APBA2: variants seen among roughly 807,000 people sequenced by gnomAD.
APBA2 encodes amyloid beta precursor protein binding family A member 2.
A neutral mutation model predicts 75.0 loss-of-function variants in APBA2; 30 were observed. That is an observed-to-expected ratio of 0.40 (90% CI 0.30 to 0.54). The LOEUF (loss-of-function observed/expected upper bound fraction) is 0.54, where lower values mean the gene tolerates loss of function less well. APBA2 is among the 20% of genes least tolerant of loss of function. The probability of loss-of-function intolerance (pLI) is 0.49; values close to 1 mark genes in which losing one functional copy is unlikely to be tolerated. For synonymous variants in APBA2, 444 were observed against 409.6 expected, an observed-to-expected ratio of 1.08 and a Z score of -1.01; for missense variants, 801 against 1,016.1, an observed-to-expected ratio of 0.79 and a Z score of 2.88.
intron 4 of APBA2, among the ~76,000 whole-genome samples, chr15:29,066,762 C>G (rs1339611286): frequency 6.6e-6 from 1 of 152,198 alleles, no homozygotes; most frequent in Middle Eastern, 3.4e-3. Flanking sequence ...AGAGGTTTTT[C>G]AGTGAATAAC....
At chr15:28,960,111 C>T (rs2036384634) in intron 2 of APBA2, among the ~76,000 whole-genome samples, 1 of 141,742 alleles carries the variant, frequency 7.1e-6, no homozygotes. Context: ...CACCACTGCA[C>T]TTCAGTCAGC....
At chr15:29,034,119 C>T (rs2040627486) in intron 3 of APBA2, among the ~76,000 whole-genome samples, 1 of 152,138 alleles carries the variant, frequency 6.6e-6, no homozygotes, top group South Asian at 2.1e-4. Context: ...AAAGGAACCT[C>T]ACCTGAGCTT....
At chr15:29,037,389 G>T (rs2040804907) in intron 3 of APBA2, among the ~76,000 whole-genome samples, 1 of 152,124 alleles carries the variant, frequency 6.6e-6, no homozygotes, top group Non-Finnish European at 1.5e-5. Context: ...TAGGGACCAG[G>T]CAAACAGCCT....
Position 29,068,237 on chromosome 15 carries a change from G to A in APBA2, c.952-6684G>A, listed in dbSNP as rs1595884335. ...CCCAGTAGGTTGCTGTCGTTAAACT[G>A]TGCACACAGGGCTTCTTGCTTTTAA... On this transcript the variant is annotated intron_variant, in intron 4 of 14. Coordinates refer to ENST00000683413, the MANE Select transcript of APBA2 (RefSeq NM_001353788.2). Among the ~76,000 whole-genome samples the A allele has an allele frequency of 4.6e-5, 7 of 152,342 alleles. 1 individual carries two copies.
chr15:29,094,555 T>C (rs908040007), intron 8 of APBA2, among the ~76,000 whole-genome samples: 1 of 152,288 alleles, frequency 6.6e-6, no homozygotes, highest in Non-Finnish European at 1.5e-5. Flanking sequence ...TCCTGTGTAC[T>C]GTATGGATAA....
chr15:28,942,948 G>C (rs549929912), intron 2 of APBA2, among the ~76,000 whole-genome samples: 13 of 152,358 alleles, frequency 8.5e-5, no homozygotes, highest in African/African-American at 3.1e-4. Context: ...TCGTTCTCAG[G>C]GGGGGCTTCT....
chr15:29,026,904 G>A (rs1169905709), intron 3 of APBA2, among the ~76,000 whole-genome samples: 3 of 152,186 alleles, frequency 2.0e-5, no homozygotes, highest in Non-Finnish European at 4.4e-5. Flanking sequence ...CTGGGCGACA[G>A]AGCAAGACTC....
At chr15:28,976,364 A>C (rs1198707341) in intron 2 of APBA2, among the ~76,000 whole-genome samples, 2 of 152,234 alleles carry the variant, frequency 1.3e-5, no homozygotes, top group Non-Finnish European at 2.9e-5. Context: ...GAGTGACAGA[A>C]CAGTGTTAAG....
At chr15:28,984,196 C>T (rs2037775876) in intron 2 of APBA2, among the ~76,000 whole-genome samples, 2 of 151,952 alleles carry the variant, frequency 1.3e-5, no homozygotes, top group Admixed American at 1.3e-4. Flanking sequence ...GCTCTCGAGG[C>T]GTTATTATTC....
At chr15:28,890,792 T>C (rs149088908) in intron 1 of APBA2, among the ~76,000 whole-genome samples, 23,544 of 152,202 alleles carry the variant, frequency 0.15, 1,844 homozygotes, top group Middle Eastern at 0.21. Context: ...AATATTTAAC[T>C]GATGCAAGAT....
rs747348376 is a variant in APBA2, at chr15:29,105,516, C to T, written c.1662C>T (p.Asn554=). Residue 554 remains asparagine, a synonymous_variant, in exon 11 of 15, where the codon AAC becomes AAT. Coordinates refer to ENST00000683413, the MANE Select transcript of APBA2 (RefSeq NM_001353788.2). ...TCATCAACACCCAGGAGATGTACAACGACGACCTCATCCACTTCTCAAACT... is the reference window on the plus strand; with the variant it reads ...TCATCAACACCCAGGAGATGTACAATGACGACCTCATCCACTTCTCAAACT... ...SDIINTQEMY[N]DDLIHFSNSE... 24 of 1,613,784 alleles carry T rather than the reference C, an allele frequency of 1.5e-5. No homozygotes were observed. Among genetic ancestry groups the T allele is most frequent in the Middle Eastern group, 1.6e-4 (1 of 6,062 alleles).
At chr15:28,920,604 G>C (rs1307758728) in intron 1 of APBA2, among the ~76,000 whole-genome samples, 1 of 152,178 alleles carries the variant, frequency 6.6e-6, no homozygotes, top group East Asian at 1.9e-4. Flanking sequence ...AAATGTTTGG[G>C]TTTAGGAGGC....
intron 6 of APBA2, among the ~76,000 whole-genome samples, chr15:29,086,435 C>T (rs974405600): frequency 5.3e-5 from 8 of 152,234 alleles, no homozygotes; most frequent in Non-Finnish European, 1.0e-4. Context: ...ATAACTAATA[C>T]ACAACATATT....
At chr15:28,992,452 A>G (rs1175136598) in intron 2 of APBA2, among the ~76,000 whole-genome samples, 1 of 152,246 alleles carries the variant, frequency 6.6e-6, no homozygotes, top group Non-Finnish European at 1.5e-5. Flanking sequence ...TTGCACGTAG[A>G]ATAATACAGA....
intron 6 of APBA2, among the ~76,000 whole-genome samples, chr15:29,091,000 G>C (rs1018050761): frequency 4.6e-5 from 7 of 152,146 alleles, no homozygotes; most frequent in African/African-American, 1.7e-4. Context: ...TATGGTGGGG[G>C]TACTGCATTG....
intron 2 of APBA2, among the ~76,000 whole-genome samples, chr15:28,938,675 A>AT (rs1389927780): frequency 7.9e-5 from 12 of 152,122 alleles, no homozygotes; most frequent in African/African-American, 2.6e-4. Context: ...CGCCTGGCTA[A>AT]TTTTTGTATT....
intron 1 of APBA2, among the ~76,000 whole-genome samples, chr15:28,901,586 C>G (rs1432983931): frequency 1.3e-5 from 2 of 152,116 alleles, no homozygotes; most frequent in Non-Finnish European, 1.5e-5. Context: ...CTCCCATGTT[C>G]TTGGTTGGGG....
At chr15:29,061,917 C>T (rs1170711929) in intron 4 of APBA2, among the ~76,000 whole-genome samples, 2 of 152,198 alleles carry the variant, frequency 1.3e-5, no homozygotes, top group Admixed American at 1.3e-4. Flanking sequence ...AGGCGCCCCC[C>T]CTCCATCAGC....
intron 1 of APBA2, among the ~76,000 whole-genome samples, chr15:28,908,967 G>A (rs2033284800): frequency 6.7e-6 from 1 of 149,642 alleles, no homozygotes; most frequent in Non-Finnish European, 1.5e-5. Context: ...CCAGCCCCCG[G>A]CAGCCACCAT....
Sources: allele counts gnomAD v4.1 joint callset (sites outside exome capture counted in the v4.1 genomes callset), GRCh38; gene constraint gnomAD v4.1.1; transcripts MANE v1.5; gene names NCBI Gene and HGNC (gene_info 2026-07-23, HGNC 2026-07-21).